The following CAP1 variants were observed in gnomAD, a reference collection of about 807,000 sequenced individuals.
CAP1 encodes the protein adenylyl cyclase-associated protein 1.
CAP1 carries 11 observed loss-of-function variants against 58.2 expected under a neutral mutation model. The observed-to-expected ratio is 0.19, with a 90% CI of 0.12 to 0.31. The LOEUF is 0.31. Among genes scored for constraint, CAP1 ranks in the 10% least tolerant of loss-of-function variants. CAP1 has a pLI of 1.00. For missense variants in CAP1, 423 were observed against 587.5 expected (o/e 0.72, Z 2.89); for synonymous variants, 183 against 213.8 (o/e 0.86, Z 1.26).
chr1:40,048,552 T>A (rs938119770), intron 1 of CAP1, among the ~76,000 whole-genome samples: 1 of 152,296 alleles, frequency 6.6e-6, no homozygotes, highest in African/African-American at 2.4e-5. Context: ...TTAGAAGGGA[T>A]AGTCAAGTAG....
intron 7 of CAP1, among the ~76,000 whole-genome samples, chr1:40,066,776 A>G (rs1647105703): frequency 6.6e-6 from 1 of 152,262 alleles, no homozygotes; most frequent in Non-Finnish European, 1.5e-5. Context: ...AGTATAGGGC[A>G]GTGAGAAGTG....
At chr1:40,041,407 G>C (rs1331764428) in intron 1 of CAP1, 1 of 152,098 alleles carries the variant, frequency 6.6e-6, no homozygotes, top group Non-Finnish European at 1.5e-5. Context: ...AAAGAAAGGC[G>C]GGCACATCCT....
intron 6 of CAP1, 115 bp downstream of exon 6, chr1:40,064,674 C>T: frequency 1.3e-6 from 1 of 766,230 alleles, no homozygotes; most frequent in Non-Finnish European, 2.3e-6. Flanking sequence ...CCTCCCAGCT[C>T]AAACAATCCT....
chr1:40,044,319 T>G (rs1645981658), intron 1 of CAP1, among the ~76,000 whole-genome samples: 1 of 152,220 alleles, frequency 6.6e-6, no homozygotes, highest in Non-Finnish European at 1.5e-5. Flanking sequence ...AAATGCAATG[T>G]GTCACTGGAA....
chr1:40,064,119 T>C (rs1016548896), intron 4 of CAP1, 108 bp from the exon 5 acceptor site: 17 of 991,296 alleles, frequency 1.7e-5, no homozygotes, highest in Non-Finnish European at 2.2e-5. Context: ...TGCAGTTTAT[T>C]TGGGTGCTCA....
At position 40,060,186 on chromosome 1, in the gene CAP1, C is replaced by T. The variant is rs765677502; in HGVS notation, c.216+16C>T. On this transcript the variant is annotated intron_variant, in intron 3 of 12. Coordinates refer to ENST00000372805, the MANE Select transcript of CAP1 (RefSeq NM_006367.4). ...GCAGAAACATGTAAGGATGTTTTGC[C>T]TTTTTCCCCTTCTTTTAAGGACTAA... 4.4e-6 allele frequency: 7 copies of T among 1,592,286 alleles called. No homozygotes were observed. The highest frequency in any genetic ancestry group is 6.0e-6 in the Non-Finnish European group (7 of 1,161,238).
chr1:40,060,381 C>T (rs1481818975), intron 3 of CAP1, among the ~76,000 whole-genome samples: 3 of 152,040 alleles, frequency 2.0e-5, no homozygotes, highest in Non-Finnish European at 2.9e-5. Flanking sequence ...GCTTTTATCA[C>T]GTATTTATAC....
Position 40,066,335 on chromosome 1 carries a change from C to T in CAP1, c.630+15C>T. 8.7e-7 allele frequency: 1 copy of T among 1,143,406 alleles called. No individual in the cohort carries two copies. The highest frequency in any genetic ancestry group is 1.3e-6 in the Non-Finnish European group (1 of 757,628). 70.8% of individuals were successfully genotyped at this position (1,143,406 alleles called of 1,614,324 possible). A position where few individuals can be genotyped will look rare whatever the true frequency, so the allele number is the denominator to read the frequency against. On this transcript the variant is annotated intron_variant, in intron 7 of 12. Transcript: ENST00000372805. Reference sequence around the variant, plus strand: ...GGAGCAAAACGGTTAGTGAATCCTTCCTCCCTCCCTCCCTCCCTCCCACTT... The same window carrying T: ...GGAGCAAAACGGTTAGTGAATCCTTTCTCCCTCCCTCCCTCCCTCCCACTT...
chr1:40,049,941 A>G (rs905390575), intron 1 of CAP1, among the ~76,000 whole-genome samples: 5 of 152,180 alleles, frequency 3.3e-5, no homozygotes, highest in Admixed American at 6.5e-5. Context: ...CACTTGTTTC[A>G]TATGACCTCC....
chr1:40,067,413 C>A, intron 7 of CAP1, 127 bp from the exon 8 acceptor site: 1 of 734,268 alleles, frequency 1.4e-6, no homozygotes, highest in Non-Finnish European at 2.2e-6. Flanking sequence ...ATGGGTAGGA[C>A]ACATTAATCA....
At chr1:40,069,429 AGACATAG>A in intron 8 of CAP1, 1 of 300,804 alleles carries the variant, frequency 3.3e-6, no homozygotes, top group East Asian at 5.9e-5. Context: ...ATGTCTTTCT[AGACATAG>A]AGGATAAGGA....
intron 1 of CAP1, among the ~76,000 whole-genome samples, chr1:40,058,817 A>C (rs1473906843): frequency 6.6e-6 from 1 of 152,154 alleles, no homozygotes; most frequent in Non-Finnish European, 1.5e-5. Context: ...GGAAAAAAAC[A>C]CACTGAACTT....
At chr1:40,060,738 A>C (rs980446169) in intron 3 of CAP1, among the ~76,000 whole-genome samples, 4 of 134,910 alleles carry the variant, frequency 3.0e-5, no homozygotes, top group African/African-American at 8.6e-5. Flanking sequence ...CCTTCCTGCT[A>C]GCTCACCGAA....
At chr1:40,042,802 G>A (rs1415030387) in intron 1 of CAP1, among the ~76,000 whole-genome samples, 1 of 152,124 alleles carries the variant, frequency 6.6e-6, no homozygotes, top group Non-Finnish European at 1.5e-5. Context: ...GTGGAAATGG[G>A]AATGGAGAGG....
chr1:40,064,392 G>T, intron 5 of CAP1, 22 bp downstream of exon 5: 1 of 1,614,066 alleles, frequency 6.2e-7, no homozygotes, highest in Non-Finnish European at 8.5e-7. Flanking sequence ...AGATTCCAGG[G>T]CTGGGGGTGG....
intron 1 of CAP1, among the ~76,000 whole-genome samples, chr1:40,055,531 C>T (rs1197431682): frequency 1.3e-5 from 2 of 151,672 alleles, no homozygotes; most frequent in African/African-American, 2.4e-5. Flanking sequence ...TTTTTTGAGA[C>T]AGGATCTTGC....
intron 11 of CAP1, 126 bp downstream of exon 11, chr1:40,070,638 G>A (rs750874232): frequency 2.3e-5 from 22 of 976,344 alleles, no homozygotes; most frequent in Non-Finnish European, 3.3e-5. Context: ...AGCTGCTTTG[G>A]ACGTGGCAGA....
At chr1:40,058,588 A>G (rs1011684093) in intron 1 of CAP1, among the ~76,000 whole-genome samples, 2 of 152,118 alleles carry the variant, frequency 1.3e-5, no homozygotes, top group African/African-American at 4.8e-5. Context: ...TTAGCTGGGC[A>G]TGGTGGCGCA....
chr1:40,050,347 T>C (rs1350509756), intron 1 of CAP1, among the ~76,000 whole-genome samples: 1 of 6,990 alleles, frequency 1.4e-4, no homozygotes. Flanking sequence ...GTTAATTGAT[T>C]CTTTTCATTT....
Sources: allele counts gnomAD v4.1 joint callset (sites outside exome capture counted in the v4.1 genomes callset), GRCh38; gene constraint gnomAD v4.1.1; transcripts MANE v1.5; gene names NCBI Gene and HGNC (gene_info 2026-07-23, HGNC 2026-07-21).